KIAA1217: variants seen among roughly 807,000 people sequenced by gnomAD.
KIAA1217 encodes KIAA1217.
KIAA1217 carries 88 observed loss-of-function variants against 163.9 expected under a neutral mutation model. That is an observed-to-expected ratio of 0.54 (90% confidence interval 0.45 to 0.64). KIAA1217 has a LOEUF of 0.64. KIAA1217 is among the 30% of genes least tolerant of loss of function. The pLI is 0.00. For synonymous variants in KIAA1217, 903 were observed against 923.1 expected (o/e 0.98, Z 0.39); for missense variants, 2,372 against 2,475.0 (o/e 0.96, Z 0.88).
chr10:24,390,325 T>C (rs2054684374), intron 3 of KIAA1217, among the ~76,000 whole-genome samples: 1 of 152,174 alleles, frequency 6.6e-6, no homozygotes, highest in South Asian at 2.1e-4. Flanking sequence ...ATGGAAGTTC[T>C]ATATTATAAA....
chr10:23,704,052 T>C (rs1387701397), intron 1 of KIAA1217, among the ~76,000 whole-genome samples: 1 of 147,058 alleles, frequency 6.8e-6, no homozygotes, highest in Non-Finnish European at 1.5e-5. Flanking sequence ...GTGTAATATA[T>C]ACAATATACT....
At chr10:23,790,352 T>TATGCACATATGCATATATAC (rs1588819696) in intron 1 of KIAA1217, among the ~76,000 whole-genome samples, 1 of 37,084 alleles carries the variant, frequency 2.7e-5, no homozygotes, top group Non-Finnish European at 5.5e-5. Flanking sequence ...TACATATGCA[T>TATGCACATATGCATATATAC]ATATGCATAT....
chr10:24,469,106 A>ATATTTTATTT (rs139814806), intron 5 of KIAA1217, among the ~76,000 whole-genome samples: 12,697 of 151,674 alleles, frequency 0.084, 739 homozygotes, highest in East Asian at 0.17. Flanking sequence ...ACTCTCTAGA[A>ATATTTTATTT]TATTTTATTT....
intron 2 of KIAA1217, among the ~76,000 whole-genome samples, chr10:24,228,912 C>G (rs1457094174): frequency 2.0e-5 from 3 of 152,184 alleles, no homozygotes; most frequent in African/African-American, 7.2e-5. Flanking sequence ...GTAATGGCAT[C>G]TATGTCTTTG....
intron 1 of KIAA1217, among the ~76,000 whole-genome samples, chr10:23,738,368 T>C (rs1001540598): frequency 6.6e-6 from 1 of 152,220 alleles, no homozygotes. Context: ...ATTGGGCAGT[T>C]TTCTTTCGAA....
At chr10:24,256,418 C>G (rs1047321333) in intron 2 of KIAA1217, among the ~76,000 whole-genome samples, 2 of 152,126 alleles carry the variant, frequency 1.3e-5, no homozygotes, top group African/African-American at 4.8e-5. Context: ...AAAAGCAAAC[C>G]CTCAAGCATG....
At chr10:24,393,376 G>A (rs1388828996) in intron 3 of KIAA1217, among the ~76,000 whole-genome samples, 2 of 152,178 alleles carry the variant, frequency 1.3e-5, no homozygotes, top group Non-Finnish European at 2.9e-5. Flanking sequence ...AAACTAAGCA[G>A]GCCCCTGTCT....
At chr10:24,312,066 C>T (rs934147006) in intron 2 of KIAA1217, among the ~76,000 whole-genome samples, 11 of 152,098 alleles carry the variant, frequency 7.2e-5, no homozygotes, top group African/African-American at 2.2e-4. Flanking sequence ...GAGAAGCAGG[C>T]AATGTCATCA....
At chr10:23,896,052 T>G (rs1406985775) in intron 1 of KIAA1217, among the ~76,000 whole-genome samples, 1 of 149,172 alleles carries the variant, frequency 6.7e-6, no homozygotes, top group Non-Finnish European at 1.5e-5. Context: ...AAATGACGAG[T>G]TAGTGGGTGC....
At chr10:24,372,820 C>T (rs1469473881) in intron 2 of KIAA1217, among the ~76,000 whole-genome samples, 4 of 152,096 alleles carry the variant, frequency 2.6e-5, no homozygotes, top group African/African-American at 4.8e-5. Flanking sequence ...AATTTGTTAA[C>T]CAGCCCTCCA....
At chr10:24,541,173 C>T (rs569215593) in intron 17 of KIAA1217, among the ~76,000 whole-genome samples, 7 of 142,216 alleles carry the variant, frequency 4.9e-5, no homozygotes, top group African/African-American at 1.7e-4. Flanking sequence ...CTCAGCCTCC[C>T]GAGTAGCTGG....
chr10:23,869,815 A>C (rs1217067725), intron 1 of KIAA1217, among the ~76,000 whole-genome samples: 1 of 152,136 alleles, frequency 6.6e-6, no homozygotes, highest in Admixed American at 6.5e-5. Flanking sequence ...CACTATTCCC[A>C]GGAAGTTCCT....
At chr10:24,421,197 G>A (rs750257797) in intron 3 of KIAA1217, among the ~76,000 whole-genome samples, 1 of 152,074 alleles carries the variant, frequency 6.6e-6, no homozygotes, top group Non-Finnish European at 1.5e-5. Context: ...GTAGAGACAG[G>A]GTTTTACCAT....
At chr10:24,249,399 C>G (rs2074224153) in intron 2 of KIAA1217, among the ~76,000 whole-genome samples, 1 of 152,124 alleles carries the variant, frequency 6.6e-6, no homozygotes, top group Non-Finnish European at 1.5e-5. Context: ...ATAATTTACG[C>G]AATTTTTATT....
intron 3 of KIAA1217, among the ~76,000 whole-genome samples, chr10:24,420,517 G>A (rs1054357270): frequency 6.6e-6 from 1 of 152,022 alleles, no homozygotes; most frequent in Non-Finnish European, 1.5e-5. Context: ...TCATTTCAAT[G>A]CAGTTTAATT....
At chr10:24,064,826 A>G (rs1393849564) in intron 2 of KIAA1217, among the ~76,000 whole-genome samples, 4 of 152,136 alleles carry the variant, frequency 2.6e-5, no homozygotes, top group Non-Finnish European at 5.9e-5. Flanking sequence ...AGAGCCTGTT[A>G]TTGGTCTATT....
intron 1 of KIAA1217, among the ~76,000 whole-genome samples, chr10:23,965,850 T>G (rs1003972061): frequency 1.3e-5 from 2 of 152,128 alleles, no homozygotes; most frequent in African/African-American, 4.8e-5. Context: ...TCTGCAGAGT[T>G]TGCCATCCGG....
At chr10:24,198,583 GA>G (rs35790678) in intron 2 of KIAA1217, among the ~76,000 whole-genome samples, 586 of 114,880 alleles carry the variant, frequency 5.1e-3, no homozygotes, top group Middle Eastern at 0.019. Context: ...CTCTTATCTC[GA>G]AAAAAAAAAA....
chr10:24,172,396 C>T (rs1289981246), intron 2 of KIAA1217, among the ~76,000 whole-genome samples: 1 of 152,140 alleles, frequency 6.6e-6, no homozygotes, highest in African/African-American at 2.4e-5. Context: ...ATCTCAGTAA[C>T]AATTTTGAGA....
Sources: gnomAD v4.1 joint callset for allele counts (sites outside exome capture counted in the v4.1 genomes callset) on GRCh38, gnomAD v4.1.1 for gene constraint, MANE v1.5 for transcripts, NCBI Gene and HGNC (gene_info 2026-07-23, HGNC 2026-07-21) for gene names.